Variants in ZCCHC7 observed in about 807,000 individuals in gnomAD.
The protein encoded by ZCCHC7 is zinc finger CCHC domain-containing protein 7.
In ZCCHC7, 35 loss-of-function variants were observed where a neutral mutation model predicts 52.0. The observed-to-expected ratio is 0.67, with a 90% CI of 0.51 to 0.89. ZCCHC7 has a LOEUF of 0.89. Ranked by LOEUF, ZCCHC7 falls within the 40% of genes least tolerant of loss-of-function variation. The probability of loss-of-function intolerance (pLI) is 0.00; values close to 1 mark genes in which losing one functional copy is unlikely to be tolerated. For synonymous variants in ZCCHC7, 217 were observed against 221.5 expected (o/e 0.98, Z 0.18); for missense variants, 574 against 649.1 (o/e 0.88, Z 1.26).
At chr9:37,261,766 G>A (rs1402610351) in intron 2 of ZCCHC7, among the ~76,000 whole-genome samples, 2 of 152,150 alleles carry the variant, frequency 1.3e-5, no homozygotes, top group African/African-American at 4.8e-5. Flanking sequence ...TATGTAATCA[G>A]TATTGCTTTT....
intron 2 of ZCCHC7, among the ~76,000 whole-genome samples, chr9:37,175,486 T>C (rs894844293): frequency 6.6e-6 from 1 of 152,072 alleles, no homozygotes; most frequent in Non-Finnish European, 1.5e-5. Context: ...GGCGGGTCAC[T>C]TGAGTCCAGG....
chr9:37,298,751 G>T (rs1013035714), intron 2 of ZCCHC7, among the ~76,000 whole-genome samples: 1 of 152,128 alleles, frequency 6.6e-6, no homozygotes, highest in Non-Finnish European at 1.5e-5. Flanking sequence ...TTTTACATAG[G>T]TACATTTTAT....
intron 2 of ZCCHC7, among the ~76,000 whole-genome samples, chr9:37,260,693 G>A: frequency 6.6e-6 from 1 of 152,160 alleles, no homozygotes; most frequent in Non-Finnish European, 1.5e-5. Context: ...GTTGTTAGGG[G>A]CAGAGACATG....
intron 2 of ZCCHC7, among the ~76,000 whole-genome samples, chr9:37,168,603 A>G (rs1207856066): frequency 6.6e-6 from 1 of 152,174 alleles, no homozygotes; most frequent in African/African-American, 2.4e-5. Flanking sequence ...AAATTATGTA[A>G]ACAAAGTACC....
chr9:37,196,013 T>C (rs1823270265), intron 2 of ZCCHC7, among the ~76,000 whole-genome samples: 1 of 152,182 alleles, frequency 6.6e-6, no homozygotes, highest in Non-Finnish European at 1.5e-5. Context: ...TTTAGATGTG[T>C]AGAGTTTGAA....
chr9:37,224,452 C>G (rs749693600), intron 2 of ZCCHC7, among the ~76,000 whole-genome samples: 1 of 152,110 alleles, frequency 6.6e-6, no homozygotes, highest in Non-Finnish European at 1.5e-5. Flanking sequence ...GACAGAGTCC[C>G]AGGGACTGAA....
intron 5 of ZCCHC7, among the ~76,000 whole-genome samples, chr9:37,315,346 GAGTA>G (rs553533525): frequency 3.9e-5 from 6 of 152,090 alleles, no homozygotes; most frequent in African/African-American, 1.4e-4. Context: ...TTTAAAAAGA[GAGTA>G]AGATAATTAT....
intron 2 of ZCCHC7, among the ~76,000 whole-genome samples, chr9:37,295,739 T>A (rs1355579335): frequency 6.6e-6 from 1 of 152,144 alleles, no homozygotes; most frequent in East Asian, 1.9e-4. Context: ...GAGAAAATAA[T>A]TCCATTTTAG....
intron 2 of ZCCHC7, among the ~76,000 whole-genome samples, chr9:37,202,803 G>A (rs1004770204): frequency 2.6e-5 from 4 of 152,204 alleles, no homozygotes; most frequent in South Asian, 4.1e-4. Flanking sequence ...CTTTAGAGTA[G>A]AAACCATATG....
intron 2 of ZCCHC7, among the ~76,000 whole-genome samples, chr9:37,192,902 C>G (rs1823091644): frequency 6.6e-6 from 1 of 152,016 alleles, no homozygotes; most frequent in Non-Finnish European, 1.5e-5. Flanking sequence ...ATGAAATAAG[C>G]TTTGGGATGC....
chr9:37,319,128 G>A (rs1829951351), intron 5 of ZCCHC7, among the ~76,000 whole-genome samples: 1 of 151,636 alleles, frequency 6.6e-6, no homozygotes, highest in South Asian at 2.1e-4. Flanking sequence ...TTTTCTAATG[G>A]CTAATAATGT....
Position 37,153,624 on chromosome 9 carries a change from C to CT in ZCCHC7, c.610+26685dup, listed in dbSNP as rs764453028. Among the ~76,000 whole-genome samples, 1,320 of 148,662 alleles carry CT rather than the reference C, an allele frequency of 8.9e-3. 10 individuals are homozygous for CT. The highest frequency in any genetic ancestry group is 0.024 in the African/African-American group (974 of 40,334). ...CACTGCACCTGGCCTTTCTTTCTTT[C>CT]TTTCTTTTTTTTTTAAACATCAGAT... is the stretch of plus-strand genomic sequence containing the variant. On this transcript the variant is annotated intron_variant, in intron 2 of 8. Transcript: ENST00000336755.
At chr9:37,175,482 T>TC (rs1821969326) in intron 2 of ZCCHC7, among the ~76,000 whole-genome samples, 1 of 151,982 alleles carries the variant, frequency 6.6e-6, no homozygotes, top group Non-Finnish European at 1.5e-5. Context: ...GATAGGCGGG[T>TC]CACTTGAGTC....
At chr9:37,260,860 G>A (rs1486372374) in intron 2 of ZCCHC7, among the ~76,000 whole-genome samples, 1 of 152,200 alleles carries the variant, frequency 6.6e-6, no homozygotes, top group Non-Finnish European at 1.5e-5. Flanking sequence ...GAAGGCTTTT[G>A]AAATGGAGTT....
At chr9:37,252,610 T>C (rs2133401677) in intron 2 of ZCCHC7, among the ~76,000 whole-genome samples, 1 of 152,294 alleles carries the variant, frequency 6.6e-6, no homozygotes, top group South Asian at 2.1e-4. Flanking sequence ...AATGTAAAAG[T>C]GAAATTTGAA....
intron 2 of ZCCHC7, among the ~76,000 whole-genome samples, chr9:37,150,508 G>A (rs1167963789): frequency 6.6e-6 from 1 of 152,122 alleles, no homozygotes; most frequent in Admixed American, 6.5e-5. Flanking sequence ...TATTCTGCAG[G>A]TCAGTCAGAT....
chr9:37,131,010 T>G (rs1049148365), intron 2 of ZCCHC7, among the ~76,000 whole-genome samples: 13 of 151,554 alleles, frequency 8.6e-5, no homozygotes. Context: ...AACTTCAGAC[T>G]CTCCCCTATT....
At position 37,292,619 on chromosome 9, in the gene ZCCHC7, A is replaced by G. The variant is rs116184998; in HGVS notation, c.611-9569A>G. ...TTAGATAGATAAATCCATTAAAAAA[A>G]AACAGAATGAACATGATTTAGAAAT... On this transcript the variant is annotated intron_variant, in intron 2 of 8. Coordinates refer to ENST00000336755, the MANE Select transcript of ZCCHC7 (RefSeq NM_032226.3). Among the ~76,000 whole-genome samples, 307 of 152,300 alleles carry G rather than the reference A, an allele frequency of 2.0e-3. 1 individual carries two copies. The highest frequency in any genetic ancestry group is 6.7e-3 in the African/African-American group (279 of 41,556).
At chr9:37,230,713 A>G (rs1296805013) in intron 2 of ZCCHC7, among the ~76,000 whole-genome samples, 2 of 152,150 alleles carry the variant, frequency 1.3e-5, no homozygotes, top group African/African-American at 4.8e-5. Flanking sequence ...ATCCTAGAAC[A>G]GTATTCCATA....
Sources: allele counts gnomAD v4.1 joint callset (sites outside exome capture counted in the v4.1 genomes callset), GRCh38; gene constraint gnomAD v4.1.1; transcripts MANE v1.5; gene names NCBI Gene and HGNC (gene_info 2026-07-23, HGNC 2026-07-21).